The following CNIH3 variants were observed in gnomAD, a reference collection of about 807,000 sequenced individuals.
CNIH3 encodes the protein protein cornichon homolog 3.
CNIH3 carries 14 observed loss-of-function variants against 24.1 expected under a neutral mutation model. The ratio of observed to expected loss-of-function variants is 0.58; its 90% CI spans 0.38 to 0.91. CNIH3 has a LOEUF of 0.91. Ranked by LOEUF, CNIH3 falls within the 40% of genes least tolerant of loss-of-function variation. The probability of loss-of-function intolerance (pLI) is 0.00; values close to 1 mark genes in which losing one functional copy is unlikely to be tolerated. For synonymous variants in CNIH3, 68 were observed against 73.8 expected (o/e 0.92, Z 0.40); for missense variants, 178 against 196.8 (o/e 0.90, Z 0.57).
chr1:224,443,687 C>A (rs2405306), intron 1 of CNIH3, among the ~76,000 whole-genome samples: 20 of 91,294 alleles, frequency 2.2e-4, no homozygotes, highest in African/African-American at 6.1e-4. Context: ...AGATAGATAT[C>A]TATAGATATA....
chr1:224,466,570 A>T (rs546315552), intron 1 of CNIH3, among the ~76,000 whole-genome samples: 1 of 152,350 alleles, frequency 6.6e-6, no homozygotes, highest in East Asian at 1.9e-4. Context: ...ACATTCATGT[A>T]TAGATTGCAG....
chr1:224,553,810 C>T lies in CNIH3; in HGVS notation n.450+6871C>T, dbSNP rs78676440. 1.2e-3 allele frequency among the ~76,000 whole-genome samples: 170 copies of T among 143,572 alleles called. 2 individuals are homozygous for T. The East Asian group carries it at 0.033, about 28-fold the overall frequency. The allele number at this position is 143,572 out of a possible 152,430, so 94.2% of individuals were successfully genotyped here. On this transcript the variant is annotated intron_variant and non_coding_transcript_variant, in intron 3 of 5. Coordinates refer to the CNIH3 transcript ENST00000471578. ...TATTTGGCTTTATGTCTCCCTGCCT[C>T]CCTCCCTCCCTCCCTCTTTCTCCCA...
chr1:224,435,049 G>T, intron 1 of CNIH3: 1 of 985,590 alleles, frequency 1.0e-6, no homozygotes, highest in Non-Finnish European at 1.2e-6. Flanking sequence ...CTGGCTCGAC[G>T]AGCAGTAAGT....
At chr1:224,600,558 G>A (rs1375080770) in intron 3 of CNIH3, among the ~76,000 whole-genome samples, 1 of 152,082 alleles carries the variant, frequency 6.6e-6, no homozygotes, top group Non-Finnish European at 1.5e-5. Context: ...CAGTGCAGTG[G>A]CTATTCACAG....
At chr1:224,636,403 CG>C (rs67599169) in intron 1 of CNIH3, among the ~76,000 whole-genome samples, 1,639 of 152,272 alleles carry the variant, frequency 0.011, 22 homozygotes, top group African/African-American at 0.036. Flanking sequence ...GTGACTTGGT[CG>C]AGATCACAGC....
intron 3 of CNIH3, among the ~76,000 whole-genome samples, chr1:224,596,875 G>A (rs752145070): frequency 4.6e-5 from 7 of 152,240 alleles, no homozygotes; most frequent in East Asian, 1.9e-4. Context: ...AATCTTGGCC[G>A]GGTGTGGTGG....
At chr1:224,608,472 C>T (rs771806689) in intron 3 of CNIH3, among the ~76,000 whole-genome samples, 6 of 152,104 alleles carry the variant, frequency 3.9e-5, no homozygotes, top group South Asian at 2.1e-4. Context: ...GGGTCGTAAT[C>T]GATTGAGCAA....
intron 3 of CNIH3, among the ~76,000 whole-genome samples, chr1:224,558,580 TA>T (rs1189217972): frequency 2.0e-5 from 3 of 152,226 alleles, no homozygotes; most frequent in Non-Finnish European, 4.4e-5. Flanking sequence ...CTAGCAATTC[TA>T]AACAATGCAA....
At chr1:224,522,384 G>A (rs1335833646) in intron 2 of CNIH3, among the ~76,000 whole-genome samples, 1 of 152,180 alleles carries the variant, frequency 6.6e-6, no homozygotes. Flanking sequence ...TACTAAAATT[G>A]GGAAGGAGCT....
At chr1:224,688,925 C>CA (rs764640865) in intron 3 of CNIH3, among the ~76,000 whole-genome samples, 328 of 91,072 alleles carry the variant, frequency 3.6e-3, no homozygotes, top group Middle Eastern at 0.02. Context: ...AGATCTGTCT[C>CA]AAAAAAAAAA....
intron 1 of CNIH3, among the ~76,000 whole-genome samples, chr1:224,461,111 T>C (rs1003817615): frequency 2.6e-5 from 4 of 152,040 alleles, no homozygotes; most frequent in East Asian, 3.8e-4. Context: ...CAAGAAATTC[T>C]TGTGCGTTGG....
At chr1:224,725,955 T>G (rs1012427947) in intron 3 of CNIH3, among the ~76,000 whole-genome samples, 5 of 152,136 alleles carry the variant, frequency 3.3e-5, no homozygotes, top group African/African-American at 1.2e-4. Flanking sequence ...CTATAAAGGG[T>G]ACCAATCAGC....
chr1:224,621,711 C>T lies in CNIH3; in HGVS notation c.81+4456C>T, dbSNP rs1683289321. Among the ~76,000 whole-genome samples the T allele has an allele frequency of 2.0e-5, 3 of 152,188 alleles. No homozygotes were observed. The South Asian group carries it at 6.2e-4, about 31-fold the overall frequency. ...TGTTTCTCCAGAGCCCAGAACAGTGCCTGACACATAGAGAGTGTTTGGTAT... is the reference window on the plus strand; with the variant it reads ...TGTTTCTCCAGAGCCCAGAACAGTGTCTGACACATAGAGAGTGTTTGGTAT... On this transcript the variant is annotated intron_variant, in intron 1 of 5. Transcript: ENST00000272133.
At chr1:224,739,237 G>A in intron 5 of CNIH3, 92 bp from the exon 6 acceptor site, 4 of 1,541,480 alleles carry the variant, frequency 2.6e-6, no homozygotes, top group Non-Finnish European at 8.7e-7. Context: ...CCTCTGGAAG[G>A]TCCCTCTCCT....
At chr1:224,562,843 C>G (rs577765897) in intron 3 of CNIH3, among the ~76,000 whole-genome samples, 2 of 152,300 alleles carry the variant, frequency 1.3e-5, no homozygotes, top group South Asian at 2.1e-4. Context: ...GATGCTGGCG[C>G]AGTTCCTAAC....
chr1:224,435,509 T>C (rs1258419850), intron 1 of CNIH3, among the ~76,000 whole-genome samples: 1 of 152,200 alleles, frequency 6.6e-6, no homozygotes, highest in Non-Finnish European at 1.5e-5. Flanking sequence ...GACTCTGCTG[T>C]TGAGGCTTCA....
At chr1:224,574,002 A>T (rs899674353) in intron 4 of CNIH3, among the ~76,000 whole-genome samples, 3 of 152,124 alleles carry the variant, frequency 2.0e-5, no homozygotes, top group African/African-American at 7.2e-5. Context: ...GGGCTCAAGG[A>T]TCCTCCCACC....
At chr1:224,728,303 G>C (rs1040423491) in intron 3 of CNIH3, among the ~76,000 whole-genome samples, 7 of 152,204 alleles carry the variant, frequency 4.6e-5, no homozygotes, top group African/African-American at 1.7e-4. Context: ...GAATGGGAGG[G>C]GGTAGGGTGA....
chr1:224,719,722 C>A (rs1189941690), intron 3 of CNIH3, among the ~76,000 whole-genome samples: 3 of 152,192 alleles, frequency 2.0e-5, no homozygotes, highest in Non-Finnish European at 4.4e-5. Flanking sequence ...ACCGAAGTTT[C>A]TGTAGTTTCT....
Sources: allele counts gnomAD v4.1 joint callset (sites outside exome capture counted in the v4.1 genomes callset), GRCh38; gene constraint gnomAD v4.1.1; transcripts MANE v1.5; gene names NCBI Gene and HGNC (gene_info 2026-07-23, HGNC 2026-07-21).